The following SFT2D2 variants were observed in gnomAD, a reference collection of about 807,000 sequenced individuals.
SFT2D2 encodes vesicle transport protein SFT2B.
A neutral mutation model predicts 27.4 loss-of-function variants in SFT2D2; 21 were observed. The ratio of observed to expected loss-of-function variants is 0.77; its 90% CI spans 0.54 to 1.10. SFT2D2 has a LOEUF of 1.10. Ranked by LOEUF, SFT2D2 falls within the 50% of genes least tolerant of loss-of-function variation. SFT2D2 has a pLI of 0.00. For missense variants in SFT2D2, 187 were observed against 194.2 expected (o/e 0.96, Z 0.22); for synonymous variants, 72 against 71.7 (o/e 1.00, Z -0.02).
intron 3 of SFT2D2, among the ~76,000 whole-genome samples, chr1:168,232,982 T>G (rs182664905): frequency 2.0e-5 from 3 of 152,310 alleles, no homozygotes; most frequent in Admixed American, 1.3e-4. Context: ...AAGGCCATTT[T>G]CCACTGAGCT....
intron 3 of SFT2D2, among the ~76,000 whole-genome samples, chr1:168,234,746 T>C (rs1647439377): frequency 6.6e-6 from 1 of 152,122 alleles, no homozygotes; most frequent in Non-Finnish European, 1.5e-5. Flanking sequence ...CATGAGTAGT[T>C]ATTGTCAGGG....
At chr1:168,235,215 T>C (rs1360053915) in intron 4 of SFT2D2, 33 bp downstream of exon 4, 2 of 1,595,264 alleles carry the variant, frequency 1.3e-6, no homozygotes, top group African/African-American at 2.7e-5. Flanking sequence ...ACTTCTCAGA[T>C]GGGAGTTTTT....
intron 6 of SFT2D2, 34 bp from the exon 7 acceptor site, chr1:168,239,097 C>G: frequency 1.9e-6 from 3 of 1,562,998 alleles, no homozygotes; most frequent in Non-Finnish European, 2.6e-6. Flanking sequence ...CTCCCTTCAT[C>G]TCATTTGACC....
At position 168,252,249 on chromosome 1, in the gene SFT2D2, A is replaced by G. The variant is rs955765748; in HGVS notation, c.*9709A>G. On this transcript the variant is annotated 3_prime_UTR_variant, in exon 8 of 8. Transcript: ENST00000271375. Reference sequence around the variant, plus strand: ...TCTAGATTGTAGCAAATGATGGTACATATTCACAACAAAGTTGTGCCACTA... The same window carrying G: ...TCTAGATTGTAGCAAATGATGGTACGTATTCACAACAAAGTTGTGCCACTA... 3 of 152,244 alleles carry G rather than the reference A, an allele frequency of 2.0e-5. No homozygotes were observed. The highest frequency in any genetic ancestry group is 7.2e-5 in the African/African-American group (3 of 41,470). The allele number at this position is 152,244 out of a possible 1,614,324, so 9.4% of individuals were successfully genotyped here. A position where few individuals can be genotyped will look rare whatever the true frequency, so the allele number is the denominator to read the frequency against.
Position 168,242,734 on chromosome 1 carries a change from A to G in SFT2D2, c.*194A>G. On this transcript the variant is annotated 3_prime_UTR_variant, in exon 8 of 8. Transcript: ENST00000271375. ...ATTCTCGAACCTGAATGTCAGTAGC[A>G]CAGGATGAGAAGTGGGTTCTGTATC... The G allele has an allele frequency of 3.1e-6, 2 of 637,674 alleles. No homozygotes were observed. Among genetic ancestry groups the G allele is most frequent in the South Asian group, 3.6e-5 (2 of 55,838 alleles). The allele number at this position is 637,674 out of a possible 1,614,324, so 39.5% of individuals were successfully genotyped here.
intron 2 of SFT2D2, 42 bp from the exon 3 acceptor site, chr1:168,231,792 G>A: frequency 6.3e-7 from 1 of 1,593,788 alleles, no homozygotes; most frequent in Non-Finnish European, 8.6e-7. Context: ...GTGGCCGGGT[G>A]GGAGGGTTGC....
intron 4 of SFT2D2, among the ~76,000 whole-genome samples, chr1:168,236,223 C>T (rs1647494864): frequency 6.6e-6 from 1 of 152,212 alleles, no homozygotes; most frequent in Non-Finnish European, 1.5e-5. Context: ...GTGCTTTCTG[C>T]TGCAGAGACT....
Position 168,245,403 on chromosome 1 carries a change from G to A in SFT2D2, c.*2863G>A, listed in dbSNP as rs2102335662. ...CTTGGGAATAAACCCGACAAACTAT[G>A]TGGATTATCTGTACACTGATAACTA... is the stretch of plus-strand genomic sequence containing the variant. On this transcript the variant is annotated 3_prime_UTR_variant, in exon 8 of 8. Transcript: ENST00000271375. 1.3e-5 allele frequency: 2 copies of A among 152,260 alleles called. No individual in the cohort carries two copies. Among genetic ancestry groups the A allele is most frequent in the South Asian group, 4.1e-4 (2 of 4,820 alleles). 9.4% of individuals were successfully genotyped at this position (152,260 alleles called of 1,614,324 possible). A position where few individuals can be genotyped will look rare whatever the true frequency, so the allele number is the denominator to read the frequency against.
chr1:168,250,314 G>A lies in SFT2D2; in HGVS notation c.*7774G>A, dbSNP rs1647921407. 6.6e-6 allele frequency: 1 copy of A among 152,208 alleles called. No homozygotes were observed. Among genetic ancestry groups the A allele is most frequent in the Non-Finnish European group, 1.5e-5 (1 of 68,046 alleles). The allele number at this position is 152,208 out of a possible 1,614,324, so 9.4% of individuals were successfully genotyped here. A position where few individuals can be genotyped will look rare whatever the true frequency, so the allele number is the denominator to read the frequency against. On this transcript the variant is annotated 3_prime_UTR_variant, in exon 8 of 8. Coordinates refer to ENST00000271375, the MANE Select transcript of SFT2D2 (RefSeq NM_199344.3). The stretch of plus-strand genomic sequence containing the variant: ...ATCCATTTCAAATCTGCTGAAACCT[G>A]TTACCAAGCAACAGCAGTGATTAAA...
rs1240589486 is a variant in SFT2D2 at position 168,242,810 on chromosome 1, C to T, written c.*270C>T. 7 of 466,096 alleles carry T rather than the reference C, an allele frequency of 1.5e-5. No homozygotes were observed. Among genetic ancestry groups the T allele is most frequent in the Non-Finnish European group, 2.0e-5 (5 of 252,394 alleles). 28.9% of individuals were successfully genotyped at this position (466,096 alleles called of 1,614,324 possible). A position where few individuals can be genotyped will look rare whatever the true frequency, so the allele number is the denominator to read the frequency against. On this transcript the variant is annotated 3_prime_UTR_variant, in exon 8 of 8. Transcript: ENST00000271375. The stretch of plus-strand genomic sequence containing the variant: ...ACCTGTTTCCTCTCTGGATGTTGTC[C>T]CACTGAATTCCCATGAATACAAACC...
In SFT2D2 at chr1:168,248,547, A is replaced by G. The variant is rs1468554020; in HGVS notation, c.*6007A>G. The G allele has an allele frequency of 6.6e-6, 1 of 152,158 alleles. No homozygotes were observed. The highest frequency in any genetic ancestry group is 1.5e-5 in the Non-Finnish European group (1 of 68,038). 9.4% of individuals were successfully genotyped at this position (152,158 alleles called of 1,614,324 possible). A position where few individuals can be genotyped will look rare whatever the true frequency, so the allele number is the denominator to read the frequency against. On this transcript the variant is annotated 3_prime_UTR_variant, in exon 8 of 8. Coordinates refer to ENST00000271375, the MANE Select transcript of SFT2D2 (RefSeq NM_199344.3). ...GATGCGTTCCATCAATACCTGGTTT[A>G]TTGAGAGTTTTTAGCATGAAGGGCT...
At position 168,251,071 on chromosome 1, in the gene SFT2D2, A is replaced by T. The variant is rs1466488015; in HGVS notation, c.*8531A>T. ...GTAATCTGAGCACTTTGGGAGGCTG[A>T]GGTGGGTGGATCGCTTGAGGTCAGG... On this transcript the variant is annotated 3_prime_UTR_variant, in exon 8 of 8. Transcript: ENST00000271375. The T allele has an allele frequency of 6.6e-6, 1 of 152,224 alleles. No individual in the cohort carries two copies. The highest frequency in any genetic ancestry group is 1.5e-5 in the Non-Finnish European group (1 of 68,072). The allele number at this position is 152,224 out of a possible 1,614,324, so 9.4% of individuals were successfully genotyped here.
intron 6 of SFT2D2, 149 bp downstream of exon 6, chr1:168,236,919 G>A: frequency 3.0e-6 from 3 of 1,012,984 alleles, no homozygotes; most frequent in Non-Finnish European, 3.0e-6. Context: ...GTGAAGTCAG[G>A]CTCCAGAGCA....
rs71557622 is a variant in SFT2D2 at position 168,239,830 on chromosome 1, CTTT to C, written c.443+684_443+686del. Among the ~76,000 whole-genome samples the C allele has an allele frequency of 1.4e-3, 191 of 139,572 alleles. 1 individual carries two copies. Among genetic ancestry groups the C allele is most frequent in the African/African-American group, 4.8e-3 (182 of 38,262 alleles). The allele number at this position is 139,572 out of a possible 152,430, so 91.6% of individuals were successfully genotyped here. On this transcript the variant is annotated intron_variant, in intron 7 of 7. Coordinates refer to ENST00000271375, the MANE Select transcript of SFT2D2 (RefSeq NM_199344.3). ...CTAATGCAACTATTTAACTTCTGTT[CTTT>C]TTTTTTTTTTTTTATCATTACCTGT...
In SFT2D2 at chr1:168,236,809, A is replaced by ATTTG. The variant is rs1303618759; in HGVS notation, c.413+39_413+40insTTTG. The ATTTG allele has an allele frequency of 8.1e-6, 13 of 1,599,250 alleles. No individual in the cohort carries two copies. The African/African-American group carries it at 1.6e-4, about 20-fold the overall frequency. ...TAAACAATCCCCTCCCACATAGCCC[A>ATTTG]CTGAATAATGTAGCCAAAGGAGATA... On this transcript the variant is annotated intron_variant, in intron 6 of 7. Coordinates refer to ENST00000271375, the MANE Select transcript of SFT2D2 (RefSeq NM_199344.3).
At chr1:168,227,889 C>T (rs1700477319) in intron 1 of SFT2D2, among the ~76,000 whole-genome samples, 1 of 152,124 alleles carries the variant, frequency 6.6e-6, no homozygotes, top group Non-Finnish European at 1.5e-5. Flanking sequence ...GTGGGCTGAC[C>T]CTCAACAGTG....
Position 168,242,900 on chromosome 1 carries a change from CAG to C in SFT2D2, c.*364_*365del. 3.2e-6 allele frequency: 1 copy of C among 307,820 alleles called. No individual in the cohort carries two copies. The highest frequency in any genetic ancestry group is 6.3e-6 in the Non-Finnish European group (1 of 157,868). 19.1% of individuals were successfully genotyped at this position (307,820 alleles called of 1,614,324 possible). On this transcript the variant is annotated 3_prime_UTR_variant, in exon 8 of 8. Transcript: ENST00000271375. ...CCCAGGTGGCAAAAGGCAGCCCCATCAGAGATCACGGGAGCAACAGTAAGGGA... is the reference window on the plus strand; with the variant it reads ...CCCAGGTGGCAAAAGGCAGCCCCATCAGATCACGGGAGCAACAGTAAGGGA...
Position 168,248,391 on chromosome 1 carries a change from T to A in SFT2D2, c.*5851T>A, listed in dbSNP as rs1343218139. ...TTGCCCTGGCCAGAACTTCCAGTAC[T>A]ATGTTGAGTAGGAATGGTGAGAGAG... On this transcript the variant is annotated 3_prime_UTR_variant, in exon 8 of 8. Coordinates refer to ENST00000271375, the MANE Select transcript of SFT2D2 (RefSeq NM_199344.3). 6.6e-6 allele frequency: 1 copy of A among 152,308 alleles called. No individual in the cohort carries two copies. The highest frequency in any genetic ancestry group is 1.5e-5 in the Non-Finnish European group (1 of 68,120). The allele number at this position is 152,308 out of a possible 1,614,324, so 9.4% of individuals were successfully genotyped here.
At chr1:168,233,728 A>T (rs1647396275) in intron 3 of SFT2D2, among the ~76,000 whole-genome samples, 2 of 152,216 alleles carry the variant, frequency 1.3e-5, no homozygotes, top group African/African-American at 2.4e-5. Flanking sequence ...CTTAGTCTAG[A>T]AGAGCTCTTT....
Sources: gnomAD v4.1 joint callset for allele counts (sites outside exome capture counted in the v4.1 genomes callset) on GRCh38, gnomAD v4.1.1 for gene constraint, MANE v1.5 for transcripts, NCBI Gene and HGNC (gene_info 2026-07-23, HGNC 2026-07-21) for gene names.